DNAI4: variants seen among roughly 807,000 people sequenced by gnomAD.
DNAI4 encodes the protein dynein axonemal intermediate chain 4, also known as WD repeat domain 78.
In DNAI4, 85 loss-of-function variants were observed where a neutral mutation model predicts 105.8. The observed-to-expected ratio is 0.80, with a 90% CI of 0.67 to 0.96. The LOEUF (loss-of-function observed/expected upper bound fraction) is 0.96. Ranked by LOEUF, DNAI4 falls within the 40% of genes least tolerant of loss-of-function variation. The pLI, the probability that DNAI4 is intolerant of heterozygous loss-of-function variation, is 0.00. For missense variants in DNAI4, 1,014 were observed against 1,005.6 expected, an observed-to-expected ratio of 1.01 and a Z score of -0.11; for synonymous variants, 352 against 331.5, an observed-to-expected ratio of 1.06 and a Z score of -0.67.
At chr1:66,850,200 G>A (rs1646368350) in intron 7 of DNAI4, among the ~76,000 whole-genome samples, 1 of 151,194 alleles carries the variant, frequency 6.6e-6, no homozygotes, top group African/African-American at 2.4e-5. Flanking sequence ...CTTATCTTTA[G>A]GGGGAAAATA....
In DNAI4 at chr1:66,924,772, C is replaced by T. The variant is rs370390521; in HGVS notation, c.60G>A (p.Gly20=). 1 of 1,613,612 alleles carries T rather than the reference C, an allele frequency of 6.2e-7. No individual in the cohort carries two copies. The highest frequency in any genetic ancestry group is 2.2e-5 in the East Asian group (1 of 44,872). ...SARAANGGAW[G]YRDFRGGQKK... Reference sequence around the variant, plus strand: ...TTTGGCCGCCTCTGAAGTCCCTGTACCCCCAAGCTCCTCCGTTAGCGGCTC... The same window carrying T: ...TTTGGCCGCCTCTGAAGTCCCTGTATCCCCAAGCTCCTCCGTTAGCGGCTC... The change falls in exon 1 of 17, where the codon GGG becomes GGA. Residue 20 remains glycine (G), a synonymous_variant. Coordinates refer to ENST00000371026, the MANE Select transcript of DNAI4 (RefSeq NM_024763.5).
intron 9 of DNAI4, among the ~76,000 whole-genome samples, chr1:66,840,246 T>C (rs931255618): frequency 1.3e-5 from 2 of 152,222 alleles, no homozygotes; most frequent in African/African-American, 2.4e-5. Context: ...ATGTTTTACA[T>C]ATTAAATGTT....
In DNAI4 at chr1:66,874,929, C is replaced by T; in HGVS notation, c.652G>A (p.Val218Ile). ...ATTTTTTCAGGTGCTGCCCTTATAA[C>T]TTGCAAATCTAAAATACATGACTTA... ...ERLTSFTDLQ[V>I]IRAAPEKIVT... The change falls in exon 5 of 17, where the codon GTT (valine) becomes ATT (isoleucine). Residue 218 changes from valine to isoleucine, a missense_variant. Val to Ile is a conservative substitution (Grantham distance 29). Transcript: ENST00000371026. The T allele has an allele frequency of 6.3e-7, 1 of 1,591,384 alleles. No individual in the cohort carries two copies. The highest frequency in any genetic ancestry group is 8.5e-7 in the Non-Finnish European group (1 of 1,174,224).
intron 6 of DNAI4, among the ~76,000 whole-genome samples, chr1:66,864,701 C>T (rs981118171): frequency 2.6e-5 from 4 of 152,078 alleles, no homozygotes; most frequent in Admixed American, 1.3e-4. Flanking sequence ...AATAGCTGTG[C>T]ATGGTGGCGG....
Position 66,874,819 on chromosome 1 carries a change from G to C in DNAI4, c.762C>G (p.Val254=), listed in dbSNP as rs1008273774. 8 of 1,613,556 alleles carry C rather than the reference G, an allele frequency of 5.0e-6. No homozygotes were observed. In the Admixed American group the frequency reaches 5.0e-5, roughly 10 times the overall value. Residue 254 remains valine (V), a synonymous_variant, in exon 5 of 17, where the codon GTC becomes GTG. Coordinates refer to ENST00000371026, the MANE Select transcript of DNAI4 (RefSeq NM_024763.5). ...ETLRFFDLPT[V]MVSVESEEAE... ...CTTCTTCAGATTCTACAGAGACCAT[G>C]ACTGTGGGCAAGTCAAAAAATCTCA...
intron 11 of DNAI4, among the ~76,000 whole-genome samples, chr1:66,834,542 G>A (rs1255902765): frequency 2.0e-5 from 3 of 151,954 alleles, no homozygotes; most frequent in Non-Finnish European, 4.4e-5. Context: ...ATGTTTCTAT[G>A]AATTAAGTTG....
intron 6 of DNAI4, among the ~76,000 whole-genome samples, chr1:66,866,790 G>C (rs1186368716): frequency 6.6e-6 from 1 of 152,154 alleles, no homozygotes; most frequent in Admixed American, 6.5e-5. Context: ...GAAGGCAGTT[G>C]TATTAGTCCA....
At chr1:66,839,832 T>C (rs1646110264) in intron 9 of DNAI4, among the ~76,000 whole-genome samples, 1 of 152,232 alleles carries the variant, frequency 6.6e-6, no homozygotes, top group South Asian at 2.1e-4. Flanking sequence ...TCTGGCTGTT[T>C]CACCTACCAG....
At chr1:66,909,395 A>G (rs1193097431) in intron 1 of DNAI4, among the ~76,000 whole-genome samples, 1 of 151,442 alleles carries the variant, frequency 6.6e-6, no homozygotes, top group Non-Finnish European at 1.5e-5. Context: ...CCAAGGTCCA[A>G]TCACCTCCAC....
intron 6 of DNAI4, 103 bp from the exon 7 acceptor site, chr1:66,862,405 C>T (rs1347732081): frequency 1.6e-6 from 2 of 1,259,138 alleles, no homozygotes; most frequent in African/African-American, 3.1e-5. Flanking sequence ...AGAATATCTA[C>T]TATTGCCTGA....
chr1:66,834,024 T>G lies in DNAI4; in HGVS notation c.1858A>C (p.Lys620Gln), dbSNP rs2100418213. 2 of 1,609,648 alleles carry G rather than the reference T, an allele frequency of 1.2e-6. No individual in the cohort carries two copies. Among genetic ancestry groups the G allele is most frequent in the South Asian group, 2.2e-5 (2 of 89,770 alleles). ...TCTAGTCCTTTTCGTATAACCCATT[T>G]GGAGATTCTTCCATCTGCTGATATA... ...VSISADGRISKWVIRKGLDCY... is the reference protein window; with the variant it reads ...VSISADGRISQWVIRKGLDCY... Residue 620 changes from lysine to glutamine, a missense_variant, in exon 12 of 17, where the codon AAA (lysine) becomes CAA (glutamine). Coordinates refer to ENST00000371026, the MANE Select transcript of DNAI4 (RefSeq NM_024763.5).
Position 66,813,898 on chromosome 1 carries a change from A to G in DNAI4, c.*232T>C, listed in dbSNP as rs1032376241. 4.7e-6 allele frequency: 2 copies of G among 421,152 alleles called. No individual in the cohort carries two copies. Among genetic ancestry groups the G allele is most frequent in the African/African-American group, 4.1e-5 (2 of 48,828 alleles). 26.1% of individuals were successfully genotyped at this position (421,152 alleles called of 1,614,324 possible). A position where few individuals can be genotyped will look rare whatever the true frequency, so the allele number is the denominator to read the frequency against. ...TTAGAATATGATCAAGAGAGTAGGA[A>G]TATCTTTAGAAAAATTAAGAAAATT... On this transcript the variant is annotated 3_prime_UTR_variant, in exon 17 of 17. Transcript: ENST00000371026.
intron 8 of DNAI4, among the ~76,000 whole-genome samples, chr1:66,844,103 A>AAAAC (rs1413730895): frequency 2.8e-4 from 36 of 127,740 alleles, no homozygotes; most frequent in Admixed American, 1.4e-3. Flanking sequence ...AAAAAAAAAA[A>AAAAC]AAAACTTTAA....
chr1:66,818,168 T>A (rs1645556173), intron 16 of DNAI4, among the ~76,000 whole-genome samples: 1 of 152,010 alleles, frequency 6.6e-6, no homozygotes, highest in South Asian at 2.1e-4. Flanking sequence ...AACATTTGCT[T>A]CTTATATAAA....
At position 66,891,207 on chromosome 1, in the gene DNAI4, G is replaced by T. The variant is rs1374769412; in HGVS notation, c.590C>A (p.Ala197Glu). Residue 197 changes from alanine (A) to glutamate (E), a missense_variant, in exon 4 of 17, where the codon GCA becomes GAA. Transcript: ENST00000371026. ...KSSVSASESIAEDLEEPSYKR... is the reference protein window; with the variant it reads ...KSSVSASESIEEDLEEPSYKR... Reference sequence around the variant, plus strand: ...ATAGGATGGTTCTTCCAGGTCTTCTGCTATTGATTCACTTGCTGATACACT... The same window carrying T: ...ATAGGATGGTTCTTCCAGGTCTTCTTCTATTGATTCACTTGCTGATACACT... 6.2e-7 allele frequency: 1 copy of T among 1,613,708 alleles called. No individual in the cohort carries two copies. The highest frequency in any genetic ancestry group is 1.3e-5 in the African/African-American group (1 of 74,896).
intron 6 of DNAI4, among the ~76,000 whole-genome samples, chr1:66,870,442 CAA>C (rs570013620): frequency 3.4e-4 from 30 of 88,738 alleles, no homozygotes; most frequent in Admixed American, 6.9e-4. Context: ...AACTGTGCCT[CAA>C]AAAAAAAAAA....
chr1:66,902,090 C>T (rs1174036392), intron 2 of DNAI4, among the ~76,000 whole-genome samples: 1 of 152,200 alleles, frequency 6.6e-6, no homozygotes, highest in Non-Finnish European at 1.5e-5. Context: ...GCCTCAGCTT[C>T]TCAAAGTGCT....
chr1:66,907,066 C>T (rs2100839242), intron 1 of DNAI4: 1 of 152,272 alleles, frequency 6.6e-6, no homozygotes, highest in Middle Eastern at 3.4e-3. Context: ...AAAATCCTTC[C>T]TTTAACTATG....
intron 1 of DNAI4, among the ~76,000 whole-genome samples, chr1:66,912,711 T>C (rs1649754353): frequency 6.6e-6 from 1 of 152,200 alleles, no homozygotes; most frequent in South Asian, 2.1e-4. Flanking sequence ...TGCTCAACTT[T>C]GGCCAGATAA....
Sources: allele counts gnomAD v4.1 joint callset (sites outside exome capture counted in the v4.1 genomes callset), GRCh38; gene constraint gnomAD v4.1.1; transcripts MANE v1.5; gene names NCBI Gene and HGNC (gene_info 2026-07-23, HGNC 2026-07-21).